Variants in EPHB1 observed in about 807,000 individuals in gnomAD.
EPHB1 encodes the protein EPH receptor B1, also known as ephrin type-B receptor 1.
Under a neutral mutation model 94.4 loss-of-function variants are expected in EPHB1, and 30 were observed. The observed-to-expected ratio is 0.32, with a 90% CI of 0.24 to 0.43. EPHB1 has a LOEUF of 0.43. EPHB1 is among the 20% of genes least tolerant of loss of function. The pLI is 1.00. For missense variants in EPHB1, 1,055 were observed against 1,308.3 expected (o/e 0.81, Z 2.99); for synonymous variants, 522 against 489.1 (o/e 1.07, Z -0.89).
At chr3:135,046,227 A>G (rs1936992533) in intron 3 of EPHB1, among the ~76,000 whole-genome samples, 1 of 152,252 alleles carries the variant, frequency 6.6e-6, no homozygotes, top group Admixed American at 6.5e-5. Flanking sequence ...AAGAGCCATG[A>G]GACCAAAAAA....
At chr3:135,134,359 T>C (rs898080300) in intron 5 of EPHB1, among the ~76,000 whole-genome samples, 8 of 152,210 alleles carry the variant, frequency 5.3e-5, no homozygotes, top group Admixed American at 5.2e-4. Context: ...CTGCTTCTTT[T>C]AAAACCAGGC....
intron 1 of EPHB1, among the ~76,000 whole-genome samples, chr3:134,873,117 T>G (rs1360136211): frequency 6.6e-6 from 1 of 152,214 alleles, no homozygotes; most frequent in Admixed American, 6.5e-5. Flanking sequence ...TTATGCCATT[T>G]TAACTACCCG....
At chr3:134,884,411 A>C (rs1018100994) in intron 1 of EPHB1, among the ~76,000 whole-genome samples, 1 of 152,240 alleles carries the variant, frequency 6.6e-6, no homozygotes, top group Non-Finnish European at 1.5e-5. Flanking sequence ...ATAAATGAGT[A>C]CAACTTTCTT....
chr3:135,019,802 T>C (rs569438044), intron 3 of EPHB1, among the ~76,000 whole-genome samples: 2 of 152,384 alleles, frequency 1.3e-5, no homozygotes, highest in East Asian at 1.9e-4. Context: ...ATTTAAGTTA[T>C]TTATAATTTG....
At chr3:135,103,014 T>TA (rs1371516129) in intron 3 of EPHB1, among the ~76,000 whole-genome samples, 1 of 152,038 alleles carries the variant, frequency 6.6e-6, no homozygotes, top group East Asian at 1.9e-4. Context: ...TTAGGACAAA[T>TA]ACCTAATGCA....
intron 1 of EPHB1, among the ~76,000 whole-genome samples, chr3:134,811,656 C>A (rs904822425): frequency 5.9e-5 from 8 of 134,806 alleles, no homozygotes; most frequent in Non-Finnish European, 6.9e-5. Context: ...GGGCCACAAA[C>A]CGTTATAAGA....
intron 3 of EPHB1, among the ~76,000 whole-genome samples, chr3:135,096,852 C>T (rs919446140): frequency 1.5e-4 from 23 of 152,106 alleles, no homozygotes; most frequent in African/African-American, 4.8e-4. Context: ...AGTGCCAGCA[C>T]TTTGGGAGGC....
chr3:135,177,056 TC>T (rs1941999544), intron 9 of EPHB1, among the ~76,000 whole-genome samples: 1 of 152,120 alleles, frequency 6.6e-6, no homozygotes. Flanking sequence ...AGTCAGTGAG[TC>T]ATCACTGTAC....
At chr3:135,127,227 A>C (rs996894874) in intron 4 of EPHB1, among the ~76,000 whole-genome samples, 1 of 152,186 alleles carries the variant, frequency 6.6e-6, no homozygotes, top group Non-Finnish European at 1.5e-5. Context: ...TCAGAGTCTG[A>C]AAAATCATGT....
In EPHB1 at chr3:134,963,135, C is replaced by CTCCTTCCTTCCTTCCTTCCT. The variant is rs59384593; in HGVS notation, c.805+11114_805+11133dup. Among the ~76,000 whole-genome samples the CTCCTTCCTTCCTTCCTTCCT allele has an allele frequency of 3.6e-3, 497 of 137,072 alleles. 3 individuals are homozygous for CTCCTTCCTTCCTTCCTTCCT. Among genetic ancestry groups the CTCCTTCCTTCCTTCCTTCCT allele is most frequent in the South Asian group, 5.9e-3 (22 of 3,736 alleles). The allele number at this position is 137,072 out of a possible 152,430, so 89.9% of individuals were successfully genotyped here. A position where few individuals can be genotyped will look rare whatever the true frequency, so the allele number is the denominator to read the frequency against. On this transcript the variant is annotated intron_variant, in intron 3 of 15. Transcript: ENST00000398015. ...CTCTCCCTTCTTATACCTTCTCTTG[C>CTCCTTCCTTCCTTCCTTCCT]TCCTTCCTTCCTTCCTTCCTTCCTT...
At chr3:134,932,756 T>G (rs113224152) in intron 2 of EPHB1, among the ~76,000 whole-genome samples, 8 of 152,324 alleles carry the variant, frequency 5.3e-5, no homozygotes, top group East Asian at 1.9e-4. Context: ...AATGATTCAA[T>G]CATGCTTATT....
chr3:134,951,884 G>T lies in EPHB1; in HGVS notation c.637G>T (p.Ala213Ser), dbSNP rs751181388. 6.2e-7 allele frequency: 1 copy of T among 1,613,988 alleles called. No homozygotes were observed. Among genetic ancestry groups the T allele is most frequent in the Non-Finnish European group, 8.5e-7 (1 of 1,179,894 alleles). The change falls in exon 3 of 16, where the codon GCA (alanine) becomes TCA (serine). Residue 213 changes from alanine (A) to serine (S), a missense_variant. Coordinates refer to ENST00000398015, the MANE Select transcript of EPHB1 (RefSeq NM_004441.5). This position sits in a 1 kb window ranked among gnomAD's most constrained non-coding sequence, Gnocchi z 4.5. ...FAVFPETMTG[A>S]ESTSLVIARG... ...AGTGTTTCCAGAGACTATGACAGGGGCAGAGAGCACATCTCTGGTGATTGC... is the reference window on the plus strand; with the variant it reads ...AGTGTTTCCAGAGACTATGACAGGGTCAGAGAGCACATCTCTGGTGATTGC...
intron 9 of EPHB1, among the ~76,000 whole-genome samples, chr3:135,169,204 A>G (rs1349266593): frequency 6.6e-6 from 1 of 152,122 alleles, no homozygotes; most frequent in Non-Finnish European, 1.5e-5. Context: ...AGATCCATAG[A>G]AAAACCAATC....
intron 12 of EPHB1, among the ~76,000 whole-genome samples, chr3:135,208,596 C>T (rs1252203580): frequency 6.6e-6 from 1 of 151,926 alleles, no homozygotes; most frequent in East Asian, 1.9e-4. Flanking sequence ...GCTGGCTCAG[C>T]AAGATTGAGA....
chr3:134,857,469 G>T (rs1319494647), intron 1 of EPHB1, among the ~76,000 whole-genome samples: 3 of 152,090 alleles, frequency 2.0e-5, no homozygotes, highest in Non-Finnish European at 2.9e-5. Context: ...ACAGGCTGCG[G>T]GTGTCAGCCC....
intron 3 of EPHB1, among the ~76,000 whole-genome samples, chr3:135,017,571 C>T (rs1935845614): frequency 2.0e-5 from 3 of 152,170 alleles, no homozygotes. Context: ...CACAGCTCTT[C>T]TGCTAGGCTT....
chr3:135,164,111 T>G (rs1016026571), intron 7 of EPHB1, among the ~76,000 whole-genome samples: 2 of 152,250 alleles, frequency 1.3e-5, no homozygotes, highest in Admixed American at 1.3e-4. Flanking sequence ...AAGTTTTTAA[T>G]TTATAAAGAC....
At chr3:135,107,885 T>C (rs1328486436) in intron 4 of EPHB1, among the ~76,000 whole-genome samples, 1 of 152,206 alleles carries the variant, frequency 6.6e-6, no homozygotes, top group Non-Finnish European at 1.5e-5. Context: ...AATGATTGTT[T>C]CTGCTGACCA....
intron 1 of EPHB1, among the ~76,000 whole-genome samples, chr3:134,919,192 A>T (rs564515639): frequency 6.6e-6 from 1 of 152,372 alleles, no homozygotes; most frequent in South Asian, 2.1e-4. Context: ...GGAAGGAATC[A>T]AAACTAAATG....
Sources: allele counts gnomAD v4.1 joint callset (sites outside exome capture counted in the v4.1 genomes callset), GRCh38; gene constraint gnomAD v4.1.1; non-coding constraint Gnocchi (gnomAD v3.1); transcripts MANE v1.5; gene names NCBI Gene and HGNC (gene_info 2026-07-23, HGNC 2026-07-21).